MAGI2: variants seen among roughly 807,000 people sequenced by gnomAD.
MAGI2 encodes the protein membrane associated guanylate kinase, WW and PDZ domain containing 2.
Under a neutral mutation model 133.3 loss-of-function variants are expected in MAGI2, and 35 were observed. The observed-to-expected ratio is 0.26, with a 90% CI of 0.20 to 0.35. The LOEUF (loss-of-function observed/expected upper bound fraction) is 0.35. Among genes scored for constraint, MAGI2 ranks in the 10% least tolerant of loss-of-function variants. The pLI, the probability that MAGI2 is intolerant of heterozygous loss-of-function variation, is 1.00. For missense variants in MAGI2, 1,636 were observed against 1,863.4 expected (o/e 0.88, Z 2.25); for synonymous variants, 729 against 710.6 (o/e 1.03, Z -0.41).
chr7:79,072,080 C>T (rs190571839), intron 1 of MAGI2, among the ~76,000 whole-genome samples: 15 of 152,230 alleles, frequency 9.9e-5, no homozygotes, highest in African/African-American at 2.6e-4. Context: ...CAGGGTGATG[C>T]GATGCCCCAC....
chr7:78,955,734 TTTC>T (rs1802282355), intron 2 of MAGI2, among the ~76,000 whole-genome samples: 1 of 48,986 alleles, frequency 2.0e-5, no homozygotes, highest in African/African-American at 6.7e-5. Context: ...TCTTTCTTTC[TTTC>T]TTTCTTTCTT....
intron 1 of MAGI2, among the ~76,000 whole-genome samples, chr7:79,147,284 G>A (rs116507013): frequency 0.027 from 4,089 of 152,208 alleles, 183 homozygotes; most frequent in African/African-American, 0.093. Context: ...CAAGAGTCAG[G>A]AACAGGAAAA....
intron 2 of MAGI2, among the ~76,000 whole-genome samples, chr7:78,661,166 A>G (rs1439612408): frequency 6.6e-6 from 1 of 152,212 alleles, no homozygotes; most frequent in Non-Finnish European, 1.5e-5. Flanking sequence ...CACATTTTTT[A>G]TAAGAGTAGA....
At chr7:78,449,148 T>C (rs1788459531) in intron 6 of MAGI2, among the ~76,000 whole-genome samples, 1 of 152,034 alleles carries the variant, frequency 6.6e-6, no homozygotes, top group East Asian at 1.9e-4. Flanking sequence ...GCACCTTGCT[T>C]CTGTGGCTAA....
intron 3 of MAGI2, among the ~76,000 whole-genome samples, chr7:78,569,107 G>T (rs147124432): frequency 5.8e-4 from 85 of 145,596 alleles, no homozygotes; most frequent in African/African-American, 2.0e-3. Context: ...GGTGACCCCT[G>T]CCACATATGT....
At chr7:79,420,040 A>C (rs1846836220) in intron 1 of MAGI2, among the ~76,000 whole-genome samples, 4 of 152,038 alleles carry the variant, frequency 2.6e-5, no homozygotes, top group Non-Finnish European at 4.4e-5. Context: ...ACTAGAACTA[A>C]ATATAAGACA....
intron 1 of MAGI2, among the ~76,000 whole-genome samples, chr7:79,319,712 A>T (rs1391367378): frequency 1.3e-5 from 2 of 152,124 alleles, no homozygotes; most frequent in Non-Finnish European, 2.9e-5. Context: ...GTTAGGGACA[A>T]ATAAACTTCT....
In MAGI2 at chr7:78,089,470, C is replaced by T. The variant is rs732977; in HGVS notation, c.3568-10385G>A. On this transcript the variant is annotated intron_variant, in intron 20 of 21. Transcript: ENST00000354212. ...CATCAAATATGCCAAATATGCCAGA[C>T]GAAGGCTTTAAGCAATAATTCAAGA... Among the ~76,000 whole-genome samples the T allele has an allele frequency of 7.4e-3, 1,129 of 152,240 alleles. 41 individuals are homozygous for T. Among genetic ancestry groups the T allele is most frequent in the Admixed American group, 0.068 (1,040 of 15,292 alleles).
At chr7:78,782,448 T>A (rs938329578) in intron 2 of MAGI2, among the ~76,000 whole-genome samples, 1 of 152,028 alleles carries the variant, frequency 6.6e-6, no homozygotes, top group African/African-American at 2.4e-5. Context: ...GTTAAACATT[T>A]TGAGTGTGGA....
At chr7:78,534,930 C>T (rs1370362546) in intron 3 of MAGI2, among the ~76,000 whole-genome samples, 2 of 152,100 alleles carry the variant, frequency 1.3e-5, no homozygotes, top group Non-Finnish European at 2.9e-5. Flanking sequence ...GTCAGGAGTT[C>T]AAGACCAGCC....
At position 78,127,331 on chromosome 7, in the gene MAGI2, C is replaced by T. The variant is rs1821094110; in HGVS notation, c.3289G>A (p.Asp1097Asn). ...TCCCCTCCTGGGGGTTGCCTGTAAT[C>T]CAGCGGGGGCTGCCTGTAGTCTGTG... ...PFTDYRQPPL[D>N]YRQPPGGDYQ... The change falls in exon 19 of 22, where the codon GAT becomes AAT. Residue 1097 changes from aspartate (D) to asparagine (N), a missense_variant. Coordinates refer to ENST00000354212, the MANE Select transcript of MAGI2 (RefSeq NM_012301.4). 6.2e-7 allele frequency: 1 copy of T among 1,611,378 alleles called. No homozygotes were observed. The highest frequency in any genetic ancestry group is 1.3e-5 in the African/African-American group (1 of 74,904).
intron 1 of MAGI2, among the ~76,000 whole-genome samples, chr7:79,018,911 A>G (rs1416368089): frequency 6.6e-6 from 1 of 152,214 alleles, no homozygotes; most frequent in Non-Finnish European, 1.5e-5. Flanking sequence ...GAGACCTACA[A>G]AGAGACATAG....
chr7:78,347,075 TGTCTC>T (rs1363495125), intron 7 of MAGI2: 1 of 152,230 alleles, frequency 6.6e-6, no homozygotes, highest in African/African-American at 2.4e-5. Context: ...CTAAATCACA[TGTCTC>T]GTAAGTGGAA....
At chr7:78,418,115 C>T (rs988666062) in intron 6 of MAGI2, among the ~76,000 whole-genome samples, 4 of 152,138 alleles carry the variant, frequency 2.6e-5, no homozygotes, top group Non-Finnish European at 5.9e-5. Flanking sequence ...CATTGTGCCA[C>T]TGCATTCCAG....
intron 1 of MAGI2, among the ~76,000 whole-genome samples, chr7:79,241,786 T>C (rs1165567760): frequency 6.6e-6 from 1 of 152,194 alleles, no homozygotes; most frequent in South Asian, 2.1e-4. Context: ...GAATCTAAGA[T>C]TGGTCTTTTG....
intron 20 of MAGI2, among the ~76,000 whole-genome samples, chr7:78,109,960 G>C (rs1443235750): frequency 6.6e-6 from 1 of 152,090 alleles, no homozygotes; most frequent in African/African-American, 2.4e-5. Flanking sequence ...ACTGAAGCAA[G>C]GTGTACTGGC....
intron 20 of MAGI2, among the ~76,000 whole-genome samples, chr7:78,097,640 C>A (rs951516988): frequency 2.0e-5 from 3 of 151,966 alleles, no homozygotes; most frequent in South Asian, 4.1e-4. Context: ...AATAAGGGAA[C>A]AACAGACACT....
At chr7:78,542,754 G>A (rs1798518384) in intron 3 of MAGI2, among the ~76,000 whole-genome samples, 1 of 152,172 alleles carries the variant, frequency 6.6e-6, no homozygotes, top group Non-Finnish European at 1.5e-5. Context: ...GAAGATGACA[G>A]GAAGCAGATC....
intron 21 of MAGI2, among the ~76,000 whole-genome samples, chr7:78,067,832 G>A (rs769522203): frequency 6.6e-6 from 1 of 152,178 alleles, no homozygotes; most frequent in Non-Finnish European, 1.5e-5. Context: ...TTCGAGCAAG[G>A]TTGTAGGCAG....
Sources: allele counts gnomAD v4.1 joint callset (sites outside exome capture counted in the v4.1 genomes callset), GRCh38; gene constraint gnomAD v4.1.1; transcripts MANE v1.5; gene names NCBI Gene and HGNC (gene_info 2026-07-23, HGNC 2026-07-21).